Variants in GPATCH2 observed in about 807,000 individuals in gnomAD.
GPATCH2 encodes the protein G patch domain-containing protein 2.
GPATCH2 carries 51 observed loss-of-function variants against 58.0 expected under a neutral mutation model. The ratio of observed to expected loss-of-function variants is 0.88; its 90% CI spans 0.70 to 1.11. The LOEUF is 1.11. GPATCH2 is among the 50% of genes most tolerant of loss of function. The pLI is 0.00. For missense variants in GPATCH2, 625 were observed against 652.2 expected, an observed-to-expected ratio of 0.96 and a Z score of 0.45; for synonymous variants, 222 against 218.5, an observed-to-expected ratio of 1.02 and a Z score of -0.14.
intron 7 of GPATCH2, among the ~76,000 whole-genome samples, chr1:217,497,569 T>A (rs1221125372): frequency 6.6e-6 from 1 of 152,138 alleles, no homozygotes; most frequent in African/African-American, 2.4e-5. Context: ...AAATCAAACA[T>A]TATAATGTTA....
At position 217,552,613 on chromosome 1, in the gene GPATCH2, G is replaced by T. The variant is rs540194523; in HGVS notation, c.1099-37724C>A. The stretch of plus-strand genomic sequence containing the variant: ...GGCCCCAAAGGGGTTCCAAAAATAG[G>T]TTGAAACTGCTCACACTCTGAAAAC... On this transcript the variant is annotated intron_variant, in intron 5 of 9. Transcript: ENST00000366935. Among the ~76,000 whole-genome samples, 4 of 152,254 alleles carry T rather than the reference G, an allele frequency of 2.6e-5. No individual in the cohort carries two copies. The South Asian group carries it at 8.3e-4, about 32-fold the overall frequency.
Position 217,428,767 on chromosome 1 carries a change from G to A in GPATCH2, c.*2378C>T, listed in dbSNP as rs978500959. Reference sequence around the variant, plus strand: ...TTCTATTAGCTGAAAATACAAAGAAGAATTTTTTTAGGTGTTAGAGAAGCT... The same window carrying A: ...TTCTATTAGCTGAAAATACAAAGAAAAATTTTTTTAGGTGTTAGAGAAGCT... On this transcript the variant is annotated 3_prime_UTR_variant, in exon 10 of 10. Coordinates refer to ENST00000366935, the MANE Select transcript of GPATCH2 (RefSeq NM_018040.5). 1 of 152,138 alleles carries A rather than the reference G, an allele frequency of 6.6e-6. No homozygotes were observed. Among genetic ancestry groups the A allele is most frequent in the Admixed American group, 6.5e-5 (1 of 15,270 alleles). The allele number at this position is 152,138 out of a possible 1,614,324, so 9.4% of individuals were successfully genotyped here. A position where few individuals can be genotyped will look rare whatever the true frequency, so the allele number is the denominator to read the frequency against.
chr1:217,510,927 C>A (rs1248008710), intron 6 of GPATCH2, among the ~76,000 whole-genome samples: 3 of 151,618 alleles, frequency 2.0e-5, no homozygotes, highest in East Asian at 3.9e-4. Flanking sequence ...ACCCTGTATC[C>A]ACTAAAAAAA....
chr1:217,622,403 C>G (rs886773554), intron 1 of GPATCH2, among the ~76,000 whole-genome samples: 1 of 152,172 alleles, frequency 6.6e-6, no homozygotes, highest in Non-Finnish European at 1.5e-5. Flanking sequence ...CATGGGCATT[C>G]TGAATGTATT....
At chr1:217,621,223 A>C (rs1669172901) in intron 1 of GPATCH2, among the ~76,000 whole-genome samples, 1 of 152,230 alleles carries the variant, frequency 6.6e-6, no homozygotes, top group Admixed American at 6.5e-5. Context: ...AGCAAGAATA[A>C]GCATAAGCAT....
chr1:217,455,381 C>A (rs530692648), intron 8 of GPATCH2, among the ~76,000 whole-genome samples: 11 of 152,208 alleles, frequency 7.2e-5, no homozygotes, highest in African/African-American at 2.2e-4. Context: ...CTGTTCACTG[C>A]CTACCTGTTG....
intron 5 of GPATCH2, among the ~76,000 whole-genome samples, chr1:217,544,066 A>G (rs1205734998): frequency 6.6e-6 from 1 of 152,220 alleles, no homozygotes; most frequent in Non-Finnish European, 1.5e-5. Flanking sequence ...AGTTTACTCC[A>G]GATATTCTTA....
intron 8 of GPATCH2, among the ~76,000 whole-genome samples, chr1:217,452,767 A>G (rs546130977): frequency 1.2e-4 from 19 of 152,278 alleles, no homozygotes; most frequent in African/African-American, 4.3e-4. Context: ...CCGACCCCCA[A>G]CATAGCTACA....
chr1:217,583,912 T>C (rs1297303356), intron 5 of GPATCH2, among the ~76,000 whole-genome samples: 1 of 152,004 alleles, frequency 6.6e-6, no homozygotes, highest in African/African-American at 2.4e-5. Context: ...AACCCAGAAT[T>C]ACATACCAAG....
At chr1:217,533,529 AC>A (rs1206787446) in intron 5 of GPATCH2, among the ~76,000 whole-genome samples, 3 of 152,214 alleles carry the variant, frequency 2.0e-5, no homozygotes, top group African/African-American at 7.2e-5. Flanking sequence ...AAGCATTGCC[AC>A]ATGCCGTGGT....
At chr1:217,484,244 C>CACAAAAAGGATGAGT (rs780397727) in intron 8 of GPATCH2, among the ~76,000 whole-genome samples, 4 of 152,010 alleles carry the variant, frequency 2.6e-5, no homozygotes, top group Non-Finnish European at 5.9e-5. Context: ...TTTTTTAGAA[C>CACAAAAAGGATGAGT]ACAAAAAGGA....
intron 8 of GPATCH2, among the ~76,000 whole-genome samples, 170 bp from the exon 9 acceptor site, chr1:217,449,507 G>T (rs892888425): frequency 6.6e-6 from 1 of 152,112 alleles, no homozygotes; most frequent in South Asian, 2.1e-4. Context: ...GTTGACAAGC[G>T]TTCAGCAGCT....
chr1:217,472,905 C>A (rs188832974), intron 8 of GPATCH2, among the ~76,000 whole-genome samples: 1 of 152,068 alleles, frequency 6.6e-6, no homozygotes, highest in Non-Finnish European at 1.5e-5. Flanking sequence ...TTGTCCTAGT[C>A]CCCCCTAGAA....
intron 8 of GPATCH2, among the ~76,000 whole-genome samples, chr1:217,487,332 T>A (rs988052711): frequency 6.6e-6 from 1 of 152,164 alleles, no homozygotes; most frequent in African/African-American, 2.4e-5. Context: ...TTTAAGGCAG[T>A]AGAATTTCCT....
chr1:217,498,538 A>C (rs1662124760), intron 6 of GPATCH2, 143 bp from the exon 7 acceptor site: 1 of 702,898 alleles, frequency 1.4e-6, no homozygotes, highest in Non-Finnish European at 2.5e-6. Context: ...GTTTCATGTA[A>C]TTCTAGACTT....
chr1:217,614,566 G>A (rs1668791514), intron 2 of GPATCH2, among the ~76,000 whole-genome samples: 1 of 151,902 alleles, frequency 6.6e-6, no homozygotes, highest in African/African-American at 2.4e-5. Flanking sequence ...TCAATAAAAT[G>A]GGAAAAGTCT....
intron 5 of GPATCH2, among the ~76,000 whole-genome samples, chr1:217,540,975 A>C (rs1292305159): frequency 6.6e-6 from 1 of 152,222 alleles, no homozygotes; most frequent in Non-Finnish European, 1.5e-5. Flanking sequence ...TAAGAGCCAG[A>C]TGTATCCTGT....
intron 5 of GPATCH2, among the ~76,000 whole-genome samples, chr1:217,572,119 G>A (rs2102720531): frequency 6.6e-6 from 1 of 152,276 alleles, no homozygotes; most frequent in African/African-American, 2.4e-5. Flanking sequence ...GGACAATCAT[G>A]TGGCAACTCT....
At chr1:217,530,290 C>T (rs1020868872) in intron 5 of GPATCH2, among the ~76,000 whole-genome samples, 3 of 152,168 alleles carry the variant, frequency 2.0e-5, no homozygotes, top group African/African-American at 7.2e-5. Context: ...ACTAACTTCT[C>T]CATGTTTCAG....
Sources: gnomAD v4.1 joint callset for allele counts (sites outside exome capture counted in the v4.1 genomes callset) on GRCh38, gnomAD v4.1.1 for gene constraint, MANE v1.5 for transcripts, NCBI Gene and HGNC (gene_info 2026-07-23, HGNC 2026-07-21) for gene names.